Variants in CYTH1 observed in about 807,000 individuals in gnomAD.
CYTH1 encodes cytohesin 1, also known as cytohesin-1.
CYTH1 carries 18 observed loss-of-function variants against 61.8 expected under a neutral mutation model. The ratio of observed to expected loss-of-function variants is 0.29; its 90% CI spans 0.20 to 0.43. CYTH1 has a LOEUF of 0.43. Ranked by LOEUF, CYTH1 falls within the 20% of genes least tolerant of loss-of-function variation. The pLI is 1.00. For synonymous variants in CYTH1, 174 were observed against 184.3 expected (o/e 0.94, Z 0.45); for missense variants, 336 against 510.5 (o/e 0.66, Z 3.29).
chr17:78,709,528 A>C (rs1292806235), intron 2 of CYTH1, 122 bp downstream of exon 2: 1 of 890,774 alleles, frequency 1.1e-6, no homozygotes, highest in Non-Finnish European at 1.8e-6. Flanking sequence ...CTTTGTGCAG[A>C]GCTGTAGTGA....
Position 78,698,179 on chromosome 17 carries a change from G to GCGCACACACGCACGCA in CYTH1, c.811+74_811+89dup, listed in dbSNP as rs964440297. ...CATGCACACGCACAAACACGCACAC[G>GCGCACACACGCACGCA]CGCACACACGCACGCACGCACACAC... On this transcript the variant is annotated intron_variant, in intron 9 of 13. Coordinates refer to ENST00000446868, the MANE Select transcript of CYTH1 (RefSeq NM_004762.6). 2.4e-4 allele frequency: 256 copies of GCGCACACACGCACGCA among 1,056,746 alleles called. 2 individuals carry two copies. The highest frequency in any genetic ancestry group is 3.2e-5 in the Non-Finnish European group (22 of 690,200). The allele number at this position is 1,056,746 out of a possible 1,614,324, so 65.5% of individuals were successfully genotyped here.
chr17:78,738,625 T>TA, intron 1 of CYTH1, among the ~76,000 whole-genome samples: 1 of 147,562 alleles, frequency 6.8e-6, no homozygotes, highest in East Asian at 2.0e-4. Context: ...ATGCATATAT[T>TA]TAAAAAAAAA....
chr17:78,680,440 CT>C (rs2092748217), intron 12 of CYTH1, 96 bp from the exon 13 acceptor site: 2 of 1,339,604 alleles, frequency 1.5e-6, no homozygotes, highest in Non-Finnish European at 1.0e-6. Flanking sequence ...TTCTTCTGAC[CT>C]TCACAAAATA....
chr17:78,692,296 C>T (rs2092895486), intron 11 of CYTH1, 121 bp downstream of exon 11: 3 of 995,074 alleles, frequency 3.0e-6, no homozygotes, highest in Admixed American at 1.9e-5. Flanking sequence ...AAACTCTCCC[C>T]CATCCCCCAC....
intron 1 of CYTH1, among the ~76,000 whole-genome samples, chr17:78,741,834 G>A (rs1206067222): frequency 6.6e-6 from 1 of 152,194 alleles, no homozygotes; most frequent in Non-Finnish European, 1.5e-5. Flanking sequence ...ACAGCAGGAT[G>A]GAGCCGGACA....
intron 1 of CYTH1, among the ~76,000 whole-genome samples, chr17:78,722,956 A>G (rs933721529): frequency 1.3e-5 from 2 of 152,136 alleles, no homozygotes; most frequent in Non-Finnish European, 2.9e-5. Context: ...GGACCAAGGA[A>G]ATTGACTACT....
intron 11 of CYTH1, among the ~76,000 whole-genome samples, chr17:78,683,487 T>C (rs1255725596): frequency 1.3e-5 from 2 of 152,162 alleles, no homozygotes; most frequent in African/African-American, 4.8e-5. Context: ...ACCTCACGCA[T>C]CTCTTCTTGG....
chr17:78,760,311 T>C (rs1167316876), intron 1 of CYTH1, among the ~76,000 whole-genome samples: 2 of 145,230 alleles, frequency 1.4e-5, no homozygotes, highest in African/African-American at 5.1e-5. Context: ...TTCCCTCTTT[T>C]GACTACTGAT....
intron 1 of CYTH1, among the ~76,000 whole-genome samples, chr17:78,713,373 C>G (rs183174647): frequency 6.6e-6 from 1 of 152,140 alleles, no homozygotes; most frequent in African/African-American, 2.4e-5. Context: ...AGGCAACATT[C>G]ATTTTTTAAA....
chr17:78,686,036 CT>C (rs1261440424), intron 11 of CYTH1, among the ~76,000 whole-genome samples: 1 of 152,160 alleles, frequency 6.6e-6, no homozygotes, highest in Non-Finnish European at 1.5e-5. Flanking sequence ...AGATTCAGGG[CT>C]TTTTCCTCTT....
chr17:78,707,174 C>A (rs1000832132), intron 3 of CYTH1, among the ~76,000 whole-genome samples: 1 of 152,142 alleles, frequency 6.6e-6, no homozygotes, highest in African/African-American at 2.4e-5. Flanking sequence ...CTGTGGAGGA[C>A]TCAGCCTCAC....
At chr17:78,679,652 G>A (rs929204278) in intron 13 of CYTH1, among the ~76,000 whole-genome samples, 1 of 152,238 alleles carries the variant, frequency 6.6e-6, no homozygotes, top group Admixed American at 6.5e-5. Context: ...AGAGGTAGGA[G>A]TCAGAGGCCT....
In CYTH1 at chr17:78,760,517, GTATA is replaced by G. The variant is rs755629315; in HGVS notation, c.22+21681_22+21684del. On this transcript the variant is annotated intron_variant, in intron 1 of 13. Transcript: ENST00000446868. ...TATATACATATATATGTATATATAT[GTATA>G]TATATATATACATACATATATATGT... Among the ~76,000 whole-genome samples, 8 of 29,658 alleles carry G rather than the reference GTATA, an allele frequency of 2.7e-4. 1 individual carries two copies. Among genetic ancestry groups the G allele is most frequent in the African/African-American group, 1.0e-3 (8 of 7,790 alleles). The allele number at this position is 29,658 out of a possible 152,430, so 19.5% of individuals were successfully genotyped here. A position where few individuals can be genotyped will look rare whatever the true frequency, so the allele number is the denominator to read the frequency against.
intron 1 of CYTH1, among the ~76,000 whole-genome samples, chr17:78,770,714 G>C (rs947070858): frequency 3.3e-5 from 5 of 152,098 alleles, no homozygotes; most frequent in Non-Finnish European, 5.9e-5. Flanking sequence ...CTGAAAATAG[G>C]TTTTTTTAAT....
chr17:78,777,782 C>G (rs1380607186), intron 1 of CYTH1, among the ~76,000 whole-genome samples: 1 of 147,776 alleles, frequency 6.8e-6, no homozygotes, highest in Admixed American at 6.8e-5. Context: ...GTCAGGAGAT[C>G]GAGACCATCC....
At chr17:78,676,765 C>T (rs1221423881) in intron 13 of CYTH1, 3 of 347,358 alleles carry the variant, frequency 8.6e-6, no homozygotes, top group Admixed American at 3.9e-5. Context: ...GGGGCCCGAG[C>T]TCATGCTTGT....
At chr17:78,730,771 TCTC>T (rs2093289544) in intron 1 of CYTH1, among the ~76,000 whole-genome samples, 1 of 151,562 alleles carries the variant, frequency 6.6e-6, no homozygotes, top group African/African-American at 2.4e-5. Context: ...TTCACGCCGT[TCTC>T]CTGCCTCAGC....
intron 1 of CYTH1, among the ~76,000 whole-genome samples, chr17:78,756,988 C>CTTTTTTTTTTTT (rs869039489): frequency 2.3e-5 from 3 of 129,764 alleles, no homozygotes; most frequent in Non-Finnish European, 5.0e-5. Context: ...TCTTTTTTTT[C>CTTTTTTTTTTTT]TTTTTTTTTT....
intron 1 of CYTH1, among the ~76,000 whole-genome samples, chr17:78,776,601 G>T (rs1019106818): frequency 4.1e-5 from 6 of 145,170 alleles, no homozygotes; most frequent in Admixed American, 7.1e-5. Context: ...AGAGGGTGCA[G>T]TAAGCCAAGA....
Sources: allele counts gnomAD v4.1 joint callset (sites outside exome capture counted in the v4.1 genomes callset), GRCh38; gene constraint gnomAD v4.1.1; transcripts MANE v1.5; gene names NCBI Gene and HGNC (gene_info 2026-07-23, HGNC 2026-07-21).